The following FCHSD1 variants were observed in gnomAD, a reference collection of about 807,000 sequenced individuals.
FCHSD1 encodes FCH and double SH3 domains 1.
In FCHSD1, 109 loss-of-function variants were observed where a neutral mutation model predicts 101.3. The observed-to-expected ratio is 1.08, with a 90% CI of 0.92 to 1.26. FCHSD1 has a LOEUF of 1.26. Ranked by LOEUF, FCHSD1 falls within the 50% of genes most tolerant of loss-of-function variation. The probability of loss-of-function intolerance (pLI) is 0.00; values close to 1 mark genes in which losing one functional copy is unlikely to be tolerated. For missense variants in FCHSD1, 820 were observed against 895.8 expected, an observed-to-expected ratio of 0.92 and a Z score of 1.08; for synonymous variants, 291 against 356.8, an observed-to-expected ratio of 0.82 and a Z score of 2.08.
Position 141,640,558 on chromosome 5 carries a change from GCTATAAATCC to G in FCHSD1, c.*930_*939del, listed in dbSNP as rs1447289234. 7.6e-6 allele frequency: 12 copies of G among 1,572,538 alleles called. No individual in the cohort carries two copies. The highest frequency in any genetic ancestry group is 1.0e-5 in the Non-Finnish European group (12 of 1,157,334). ...CGAGTAAACTGCAGGCTTAGCCTTT[GCTATAAATCC>G]CTTGGTTTGGTGGTGGAGGTAGGGA... On this transcript the variant is annotated 3_prime_UTR_variant, in exon 20 of 20. Transcript: ENST00000435817.
At chr5:141,647,273 C>T in intron 9 of FCHSD1, 43 bp from the exon 10 acceptor site, 2 of 1,578,246 alleles carry the variant, frequency 1.3e-6, no homozygotes, top group Non-Finnish European at 8.6e-7. Context: ...CACTGACTCA[C>T]TCTCCAACCC....
At chr5:141,642,444 C>T in intron 18 of FCHSD1, 1 of 685,214 alleles carries the variant, frequency 1.5e-6, no homozygotes, top group Non-Finnish European at 2.6e-6. Context: ...CACTAGAAGC[C>T]CAATCTCCAC....
Position 141,644,370 on chromosome 5 carries a change from C to G in FCHSD1, c.1711G>C (p.Ala571Pro). Residue 571 changes from alanine (A) to proline (P), a missense_variant, in exon 17 of 20, where the codon GCA (alanine) becomes CCA (proline). Coordinates refer to ENST00000435817, the MANE Select transcript of FCHSD1 (RefSeq NM_033449.3). ...SAEELSFPEG[A>P]LIRLLPRAQD... ...GCCCGGGGCAGCAGACGGATGAGTG[C>G]CCCCTCAGGGAAGCTCAGCTCCTCT... 1 of 1,613,976 alleles carries G rather than the reference C, an allele frequency of 6.2e-7. No individual in the cohort carries two copies. Among genetic ancestry groups the G allele is most frequent in the Non-Finnish European group, 8.5e-7 (1 of 1,179,878 alleles).
chr5:141,651,174 C>T (rs1007442876), intron 1 of FCHSD1, 57 bp from the exon 2 acceptor site: 1 of 1,520,534 alleles, frequency 6.6e-7, no homozygotes, highest in Non-Finnish European at 8.9e-7. Flanking sequence ...AAACACTCCG[C>T]GCAGGGAGCG....
Sources: allele counts gnomAD v4.1 joint callset, GRCh38; gene constraint gnomAD v4.1.1; transcripts MANE v1.5; gene names NCBI Gene and HGNC (gene_info 2026-07-23, HGNC 2026-07-21).